The following SLC12A3 variants were observed in gnomAD, a reference collection of about 807,000 sequenced individuals.
SLC12A3 encodes Na-Cl cotransporter.
Under a neutral mutation model 121.0 loss-of-function variants are expected in SLC12A3, and 104 were observed. The ratio of observed to expected loss-of-function variants is 0.86; its 90% CI spans 0.73 to 1.01. SLC12A3 has a LOEUF of 1.01. SLC12A3 is among the 50% of genes least tolerant of loss of function. The pLI is 0.00. For missense variants in SLC12A3, 1,328 were observed against 1,356.3 expected (o/e 0.98, Z 0.33); for synonymous variants, 536 against 533.4 (o/e 1.00, Z -0.07).
chr16:56,892,508 T>C (rs1373136659), intron 20 of SLC12A3, among the ~76,000 whole-genome samples: 2 of 152,096 alleles, frequency 1.3e-5, no homozygotes, highest in East Asian at 3.9e-4. Flanking sequence ...CACGGCATCA[T>C]GGGGACCCAC....
At chr16:56,870,075 T>C (rs2055070960) in intron 4 of SLC12A3, 21 bp from the exon 5 acceptor site, 1 of 1,611,144 alleles carries the variant, frequency 6.2e-7, no homozygotes, top group Non-Finnish European at 8.5e-7. Context: ...GGTTTCATGG[T>C]TCCCGGCTCT....
At chr16:56,875,270 G>A (rs2144701607) in intron 8 of SLC12A3, among the ~76,000 whole-genome samples, 1 of 152,286 alleles carries the variant, frequency 6.6e-6, no homozygotes, top group Non-Finnish European at 1.5e-5. Flanking sequence ...TTTTGGGCAA[G>A]TCCCTTTAAA....
In SLC12A3 at chr16:56,878,145, C is replaced by T. The variant is rs751046863; in HGVS notation, c.1164C>T (p.Ala388=). 1.3e-4 allele frequency: 202 copies of T among 1,610,980 alleles called. No homozygotes were observed. The highest frequency in any genetic ancestry group is 1.7e-4 in the Non-Finnish European group (196 of 1,179,314). The change falls in exon 9 of 26, where the codon GCC becomes GCT. Residue 388 remains alanine, a synonymous_variant. Coordinates refer to ENST00000563236, the MANE Select transcript of SLC12A3 (RefSeq NM_001126108.2). The stretch of plus-strand genomic sequence containing the variant: ...TCTGGACGACCATTTCCTACCTGGC[C>T]ATCTCAGCCACCATTGGTAAGTGGC... ...AIFWTTISYL[A]ISATIGSCVV... is the part of the protein sequence containing the mutation.
intron 23 of SLC12A3, among the ~76,000 whole-genome samples, chr16:56,901,277 T>C (rs1305217681): frequency 1.3e-5 from 2 of 151,936 alleles, no homozygotes; most frequent in Non-Finnish European, 2.9e-5. Flanking sequence ...CTGTCCCAGG[T>C]GAGCTCATCC....
intron 22 of SLC12A3, among the ~76,000 whole-genome samples, chr16:56,895,634 C>A (rs1177999445): frequency 1.3e-5 from 2 of 152,114 alleles, no homozygotes; most frequent in Middle Eastern, 3.4e-3. Context: ...GGGCATCAGT[C>A]CCCAACCTTT....
In SLC12A3 at chr16:56,901,347, C is replaced by CTT. The variant is rs113592874; in HGVS notation, c.2721-1015_2721-1014dup. ...CAATCAGCCCTACATCTCTCTCTCT[C>CTT]TTTTTTTTTTTTGAGACAGTCTCAC... On this transcript the variant is annotated intron_variant, in intron 23 of 25. Coordinates refer to ENST00000563236, the MANE Select transcript of SLC12A3 (RefSeq NM_001126108.2). 5.9e-4 allele frequency among the ~76,000 whole-genome samples: 76 copies of CTT among 128,886 alleles called. 1 individual carries two copies. In the South Asian group the frequency reaches 6.2e-3, roughly 10 times the overall value. 84.6% of individuals were successfully genotyped at this position (128,886 alleles called of 152,430 possible). A position where few individuals can be genotyped will look rare whatever the true frequency, so the allele number is the denominator to read the frequency against.
chr16:56,898,062 C>A (rs1243017840), intron 22 of SLC12A3, among the ~76,000 whole-genome samples: 1 of 152,230 alleles, frequency 6.6e-6, no homozygotes, highest in African/African-American at 2.4e-5. Context: ...TTCCACCCCC[C>A]TGCACCCCGA....
intron 25 of SLC12A3, among the ~76,000 whole-genome samples, chr16:56,909,748 C>T (rs1246891654): frequency 6.6e-6 from 1 of 152,050 alleles, no homozygotes. Flanking sequence ...TTCCTCAGTG[C>T]CTTCCAGACC....
chr16:56,904,229 T>A, intron 24 of SLC12A3, 166 bp from the exon 25 acceptor site: 2 of 681,472 alleles, frequency 2.9e-6, no homozygotes, highest in Non-Finnish European at 2.7e-6. Context: ...ACTCTGAGGG[T>A]CCCCTTCTTC....
rs552259874 is a variant in SLC12A3 at position 56,886,964 on chromosome 16, G to A, written c.2049G>A (p.Lys683=). The change falls in exon 17 of 26, where the codon AAG becomes AAA. Residue 683 remains lysine, a synonymous_variant. Coordinates refer to ENST00000563236, the MANE Select transcript of SLC12A3 (RefSeq NM_001126108.2). ...CCTCCCACCCACAGGGACCCCACAA[G>A]CAGAGGATGCCTGAGCTCCAGCTCA... ...ICGHVLIGPH[K]QRMPELQLIA... The A allele has an allele frequency of 1.9e-6, 3 of 1,613,068 alleles. No individual in the cohort carries two copies. Among genetic ancestry groups the A allele is most frequent in the Admixed American group, 1.7e-5 (1 of 59,998 alleles).
intron 24 of SLC12A3, among the ~76,000 whole-genome samples, chr16:56,903,905 G>C (rs2055572017): frequency 6.6e-6 from 1 of 152,198 alleles, no homozygotes; most frequent in Non-Finnish European, 1.5e-5. Context: ...GAAGAAGTGG[G>C]GCAACCTCTC....
Position 56,896,496 on chromosome 16 carries a change from G to T in SLC12A3, c.2633+1854G>T, listed in dbSNP as rs565751307. ...ACAGTGGCTCTGCCTATAGATCTTGGCACTCTGGCAGCAGGCCAAGGCAGG... is the reference window on the plus strand; with the variant it reads ...ACAGTGGCTCTGCCTATAGATCTTGTCACTCTGGCAGCAGGCCAAGGCAGG... On this transcript the variant is annotated intron_variant, in intron 22 of 25. Coordinates refer to ENST00000563236, the MANE Select transcript of SLC12A3 (RefSeq NM_001126108.2). 4.6e-5 allele frequency among the ~76,000 whole-genome samples: 7 copies of T among 152,318 alleles called. No homozygotes were observed. The East Asian group carries it at 1.3e-3, about 29-fold the overall frequency.
At chr16:56,888,645 G>A (rs1018767164) in intron 18 of SLC12A3, among the ~76,000 whole-genome samples, 4 of 125,300 alleles carry the variant, frequency 3.2e-5, no homozygotes, top group Admixed American at 1.1e-4. Context: ...TGCAAGCTCC[G>A]CCTCCCGGGT....
Position 56,872,659 on chromosome 16 carries a change from A to G in SLC12A3, c.968A>G (p.Asp323Gly), listed in dbSNP as rs746942640. Reference protein sequence around the residue: ...ASKGFFSYRADIFVQNLVPDW... With the variant: ...ASKGFFSYRAGIFVQNLVPDW... Reference sequence around the variant, plus strand: ...TCATCAGGCCTTGCTTTTCCAGCGGACATTTTTGTCCAGAACTTGGTGCCT... The same window carrying G: ...TCATCAGGCCTTGCTTTTCCAGCGGGCATTTTTGTCCAGAACTTGGTGCCT... The change falls in exon 8 of 26, where the codon GAC (aspartate) becomes GGC (glycine). Residue 323 changes from aspartate to glycine, a missense_variant. Asp to Gly is a moderately conservative substitution (Grantham distance 94). Transcript: ENST00000563236. The G allele has an allele frequency of 6.2e-7, 1 of 1,614,130 alleles. No homozygotes were observed. The highest frequency in any genetic ancestry group is 1.3e-5 in the African/African-American group (1 of 74,950).
intron 24 of SLC12A3, 169 bp from the exon 25 acceptor site, chr16:56,904,226 G>T (rs1184531043): frequency 1.5e-6 from 1 of 674,256 alleles, no homozygotes. Context: ...ATTACTCTGA[G>T]GGTCCCCTTC....
At chr16:56,892,262 A>G (rs2055398913) in intron 20 of SLC12A3, 129 bp downstream of exon 20, 3 of 837,686 alleles carry the variant, frequency 3.6e-6, no homozygotes, top group Non-Finnish European at 6.1e-6. Flanking sequence ...TTTTCTTGTG[A>G]CGGTGGTGCC....
At chr16:56,874,555 C>T (rs1162758402) in intron 8 of SLC12A3, among the ~76,000 whole-genome samples, 1 of 152,228 alleles carries the variant, frequency 6.6e-6, no homozygotes, top group Non-Finnish European at 1.5e-5. Context: ...AATCCTAGCA[C>T]TTTGGAAGGC....
chr16:56,902,531 G>GGGGCA, intron 24 of SLC12A3, 23 bp downstream of exon 24: 1 of 714,568 alleles, frequency 1.4e-6, no homozygotes, highest in Non-Finnish European at 2.4e-6. Flanking sequence ...GTGGGGGTGG[G>GGGGCA]AAACGCGACA....
At chr16:56,879,491 G>A in intron 10 of SLC12A3, 51 bp from the exon 11 acceptor site, 3 of 1,453,976 alleles carry the variant, frequency 2.1e-6, no homozygotes, top group Non-Finnish European at 1.9e-6. Context: ...ACAGATGGGG[G>A]CTCCTGGCTC....
Sources: gnomAD v4.1 joint callset for allele counts (sites outside exome capture counted in the v4.1 genomes callset) on GRCh38, gnomAD v4.1.1 for gene constraint, MANE v1.5 for transcripts, NCBI Gene and HGNC (gene_info 2026-07-23, HGNC 2026-07-21) for gene names.